The following MICU1 variants were observed in gnomAD, a reference collection of about 807,000 sequenced individuals.
The protein encoded by MICU1 is calcium uptake protein 1, mitochondrial.
A neutral mutation model predicts 56.8 loss-of-function variants in MICU1; 45 were observed. The observed-to-expected ratio is 0.79, with a 90% CI of 0.62 to 1.02. The LOEUF is 1.02. Among genes scored for constraint, MICU1 ranks in the 50% least tolerant of loss-of-function variants. The probability of loss-of-function intolerance (pLI) is 0.00; values close to 1 mark genes in which losing one functional copy is unlikely to be tolerated. For synonymous variants in MICU1, 186 were observed against 195.1 expected (o/e 0.95, Z 0.39); for missense variants, 504 against 587.1 (o/e 0.86, Z 1.46).
At chr10:72,473,865 A>G (rs566627988) in intron 8 of MICU1, among the ~76,000 whole-genome samples, 65 of 152,176 alleles carry the variant, frequency 4.3e-4, no homozygotes, top group Non-Finnish European at 7.2e-4. Flanking sequence ...CATAGTTTAA[A>G]AACAACATAG....
At chr10:72,492,821 A>ATAAAG (rs1554880421) in intron 6 of MICU1, among the ~76,000 whole-genome samples, 6,011 of 150,042 alleles carry the variant, frequency 0.04, 410 homozygotes, top group African/African-American at 0.14. Context: ...ATAAAATAAA[A>ATAAAG]TAAAATGTAT....
chr10:72,523,936 T>C, intron 5 of MICU1: 1 of 1,465,012 alleles, frequency 6.8e-7, no homozygotes, highest in Non-Finnish European at 9.0e-7. Context: ...AATAAAGTCT[T>C]TCTAGGTGTC....
At chr10:72,595,179 G>A (rs1008652673) in intron 1 of MICU1, among the ~76,000 whole-genome samples, 6 of 151,706 alleles carry the variant, frequency 4.0e-5, no homozygotes, top group Admixed American at 6.6e-5. Context: ...GGCTGGGCGC[G>A]GTGGCTCACA....
chr10:72,421,420 G>A (rs1031092576), intron 9 of MICU1, among the ~76,000 whole-genome samples: 4 of 151,922 alleles, frequency 2.6e-5, no homozygotes, highest in Admixed American at 2.6e-4. Context: ...GATTATAGGC[G>A]CCCACCACCA....
intron 11 of MICU1, among the ~76,000 whole-genome samples, chr10:72,370,137 A>C (rs956802719): frequency 6.6e-6 from 1 of 152,128 alleles, no homozygotes; most frequent in Non-Finnish European, 1.5e-5. Flanking sequence ...TTGGCCTCCC[A>C]AAGTGCTGGA....
intron 1 of MICU1, among the ~76,000 whole-genome samples, chr10:72,592,450 G>A (rs1841254768): frequency 6.6e-6 from 1 of 152,114 alleles, no homozygotes; most frequent in Non-Finnish European, 1.5e-5. Context: ...CAAGATTGAA[G>A]AAGAGGAAAC....
chr10:72,585,084 T>G (rs527559873), intron 1 of MICU1, among the ~76,000 whole-genome samples: 32 of 148,370 alleles, frequency 2.2e-4, no homozygotes, highest in Middle Eastern at 3.4e-3. Context: ...GGTTTTAGGT[T>G]TTTTTTTTTG....
At position 72,621,589 on chromosome 10, in the gene MICU1, CACA is replaced by C. The variant is rs762260731; in HGVS notation, c.-2+4418_-2+4420del. Among the ~76,000 whole-genome samples the C allele has an allele frequency of 4.6e-5, 7 of 152,122 alleles. No individual in the cohort carries two copies. The South Asian group carries it at 1.2e-3, about 27-fold the overall frequency. On this transcript the variant is annotated intron_variant, in intron 1 of 11. Transcript: ENST00000361114. The stretch of plus-strand genomic sequence containing the variant: ...AAAGAACCAAGTATTTAATCATATC[CACA>C]ACATGTATTTAAATATTTAAAACAT...
intron 8 of MICU1, among the ~76,000 whole-genome samples, chr10:72,474,466 A>G (rs1866050831): frequency 6.6e-6 from 1 of 152,124 alleles, no homozygotes; most frequent in Admixed American, 6.6e-5. Flanking sequence ...TTTAAATGGA[A>G]AAGTAAACTT....
chr10:72,556,423 C>T (rs547709114), intron 3 of MICU1, among the ~76,000 whole-genome samples: 2 of 152,230 alleles, frequency 1.3e-5, no homozygotes, highest in South Asian at 4.1e-4. Context: ...TCACTGCAAC[C>T]TCCGCCTCCC....
chr10:72,611,176 G>A (rs1841836268), intron 1 of MICU1, among the ~76,000 whole-genome samples: 1 of 151,890 alleles, frequency 6.6e-6, no homozygotes, highest in African/African-American at 2.4e-5. Flanking sequence ...TGTAGCGGGC[G>A]CCTGTAGTCC....
intron 5 of MICU1, among the ~76,000 whole-genome samples, chr10:72,531,172 T>G (rs1444277020): frequency 6.6e-6 from 1 of 152,076 alleles, no homozygotes; most frequent in African/African-American, 2.4e-5. Context: ...GATTTAATAG[T>G]TTATCTTCCA....
At chr10:72,414,097 T>C (rs761765125) in intron 9 of MICU1, among the ~76,000 whole-genome samples, 3 of 152,154 alleles carry the variant, frequency 2.0e-5, no homozygotes, top group Admixed American at 1.3e-4. Context: ...AAATTTACCA[T>C]ACAACCCAGG....
At chr10:72,456,135 G>C (rs1564880185) in intron 8 of MICU1, among the ~76,000 whole-genome samples, 1 of 152,252 alleles carries the variant, frequency 6.6e-6, no homozygotes, top group South Asian at 2.1e-4. Context: ...GAAAGGCAAT[G>C]AGGTCTGAAA....
At chr10:72,451,418 T>C (rs1589233321) in intron 8 of MICU1, among the ~76,000 whole-genome samples, 1 of 152,128 alleles carries the variant, frequency 6.6e-6, no homozygotes, top group African/African-American at 2.4e-5. Flanking sequence ...TATAAGACAA[T>C]AGAGGCAGTG....
intron 1 of MICU1, among the ~76,000 whole-genome samples, chr10:72,625,281 T>C (rs1488962742): frequency 1.3e-5 from 2 of 152,210 alleles, no homozygotes; most frequent in African/African-American, 2.4e-5. Context: ...ATGGCCACCG[T>C]ATTTTTTAAG....
chr10:72,613,966 G>A (rs1313268397), intron 1 of MICU1, among the ~76,000 whole-genome samples: 4 of 152,086 alleles, frequency 2.6e-5, no homozygotes. Flanking sequence ...CCAATGTGGC[G>A]AAACCCCGTC....
intron 1 of MICU1, among the ~76,000 whole-genome samples, chr10:72,569,617 T>A (rs1240982952): frequency 6.6e-6 from 1 of 151,864 alleles, no homozygotes; most frequent in East Asian, 1.9e-4. Context: ...TGAGACTGGG[T>A]TAGTCAGCAA....
intron 1 of MICU1, among the ~76,000 whole-genome samples, chr10:72,594,557 G>T (rs920491277): frequency 6.6e-6 from 1 of 151,982 alleles, no homozygotes; most frequent in Non-Finnish European, 1.5e-5. Context: ...AGACAAATTA[G>T]ACTTCATGAA....
Sources: allele counts gnomAD v4.1 joint callset (sites outside exome capture counted in the v4.1 genomes callset), GRCh38; gene constraint gnomAD v4.1.1; transcripts MANE v1.5; gene names NCBI Gene and HGNC (gene_info 2026-07-23, HGNC 2026-07-21).